Variants in ALG8 observed in about 807,000 individuals in gnomAD.
The protein encoded by ALG8 is dolichyl pyrophosphate Glc1Man9GlcNAc2 alpha-1,3-glucosyltransferase.
Under a neutral mutation model 70.2 loss-of-function variants are expected in ALG8, and 48 were observed. The observed-to-expected ratio is 0.68, with a 90% CI of 0.54 to 0.87. ALG8 has a LOEUF of 0.87. Ranked by LOEUF, ALG8 falls within the 40% of genes least tolerant of loss-of-function variation. The pLI, the probability that ALG8 is intolerant of heterozygous loss-of-function variation, is 0.00. For synonymous variants in ALG8, 234 were observed against 229.0 expected, an observed-to-expected ratio of 1.02 and a Z score of -0.20; for missense variants, 572 against 608.7, an observed-to-expected ratio of 0.94 and a Z score of 0.64.
At chr11:78,114,084 A>G (rs1056292840) in intron 6 of ALG8, 95 bp from the exon 7 acceptor site, 36 of 1,368,764 alleles carry the variant, frequency 2.6e-5, no homozygotes, top group Non-Finnish European at 3.2e-5. Flanking sequence ...ATCCCACAAT[A>G]GTATACCAAT....
chr11:78,123,394 A>T (rs972986011), intron 3 of ALG8, among the ~76,000 whole-genome samples: 6 of 151,398 alleles, frequency 4.0e-5, no homozygotes, highest in African/African-American at 1.5e-4. Flanking sequence ...TAGTACTTGG[A>T]AGTCACTGTG....
At chr11:78,139,117 G>A (rs192471684) in intron 1 of ALG8, 244 of 360,576 alleles carry the variant, frequency 6.8e-4, no homozygotes, top group African/African-American at 5.0e-3. Context: ...AACTTCGAGG[G>A]CAAGGACCAG....
At chr11:78,130,163 G>GT (rs1861241998) in intron 1 of ALG8, among the ~76,000 whole-genome samples, 1 of 151,918 alleles carries the variant, frequency 6.6e-6, no homozygotes, top group East Asian at 1.9e-4. Flanking sequence ...ACCAGCCTGG[G>GT]TAACAATGAG....
At chr11:78,127,625 G>A (rs2136933527) in intron 1 of ALG8, among the ~76,000 whole-genome samples, 189 bp from the exon 2 acceptor site, 1 of 151,994 alleles carries the variant, frequency 6.6e-6, no homozygotes, top group South Asian at 2.1e-4. Flanking sequence ...CTTCTAGAAA[G>A]TTGTTGAGCA....
chr11:78,133,207 T>A (rs1861382820), intron 1 of ALG8, among the ~76,000 whole-genome samples: 1 of 152,204 alleles, frequency 6.6e-6, no homozygotes, highest in South Asian at 2.1e-4. Flanking sequence ...TCTTGTACTG[T>A]TATACTTACT....
rs562915665 is a variant in ALG8 at position 78,114,351 on chromosome 11, T to C, written c.588A>G (p.Leu196=). 5.0e-6 allele frequency: 8 copies of C among 1,613,994 alleles called. No individual in the cohort carries two copies. Among genetic ancestry groups the C allele is most frequent in the Non-Finnish European group, 6.8e-6 (8 of 1,179,996 alleles). The change falls in exon 6 of 13, where the codon CTA becomes CTG. Residue 196 remains leucine (L), a synonymous_variant. Transcript: ENST00000299626. ...MEGAFLFAVL[L]HFKHIYLYVA... ...CATAGAGGTAGATATGCTTGAAATG[T>C]AGGAGAACAGCAAAGAGAAATGCTC... is the stretch of plus-strand genomic sequence containing the variant.
At chr11:78,135,447 C>G (rs1266213812) in intron 1 of ALG8, 1 of 152,016 alleles carries the variant, frequency 6.6e-6, no homozygotes, top group Non-Finnish European at 1.5e-5. Flanking sequence ...CACAGGGGCT[C>G]ATGTCTGTAA....
chr11:78,112,457 G>A, intron 8 of ALG8, 193 bp downstream of exon 8: 1 of 676,548 alleles, frequency 1.5e-6, no homozygotes, highest in African/African-American at 1.8e-5. Flanking sequence ...GCTTTTATAA[G>A]GAAAACAGTC....
chr11:78,125,838 C>G (rs1244573352), intron 2 of ALG8, among the ~76,000 whole-genome samples: 1 of 151,456 alleles, frequency 6.6e-6, no homozygotes, highest in Non-Finnish European at 1.5e-5. Flanking sequence ...AAATCCAACT[C>G]CCTGTCAGCA....
chr11:78,115,907 A>T (rs1321613951), intron 5 of ALG8, among the ~76,000 whole-genome samples: 1 of 152,242 alleles, frequency 6.6e-6, no homozygotes, highest in Non-Finnish European at 1.5e-5. Context: ...TGGGAATGAG[A>T]ACATGAACAA....
At chr11:78,112,220 T>A (rs1179835555) in intron 8 of ALG8, among the ~76,000 whole-genome samples, 1 of 152,130 alleles carries the variant, frequency 6.6e-6, no homozygotes, top group African/African-American at 2.4e-5. Flanking sequence ...AAGGCTGCAG[T>A]GCACTATGAT....
Position 78,113,523 on chromosome 11 carries a change from A to T in ALG8, c.777+363T>A, listed in dbSNP as rs112575991. On this transcript the variant is annotated intron_variant, in intron 7 of 12. Coordinates refer to ENST00000299626, the MANE Select transcript of ALG8 (RefSeq NM_024079.5). ...AGGTCAGAAGTTCGAGTCCAGCCTG[A>T]CCAACATGTTGAAACCCTGTCTCTA... 5.7e-3 allele frequency among the ~76,000 whole-genome samples: 874 copies of T among 152,024 alleles called. 7 individuals carry two copies. Among genetic ancestry groups the T allele is most frequent in the African/African-American group, 0.02 (838 of 41,462 alleles).
chr11:78,134,381 G>A (rs952869213), intron 1 of ALG8, among the ~76,000 whole-genome samples: 4 of 151,992 alleles, frequency 2.6e-5, no homozygotes, highest in Non-Finnish European at 4.4e-5. Context: ...CAGGTGACCC[G>A]CCCGCCTCAG....
chr11:78,106,338 C>G (rs1290932235), intron 10 of ALG8, among the ~76,000 whole-genome samples: 2 of 152,144 alleles, frequency 1.3e-5, no homozygotes, highest in East Asian at 3.9e-4. Context: ...GCTGGGACTA[C>G]AGGCATGTGC....
At position 78,121,153 on chromosome 11, in the gene ALG8, T is replaced by C; in HGVS notation, c.390A>G (p.Gly130=). 3 of 1,613,564 alleles carry C rather than the reference T, an allele frequency of 1.9e-6. No homozygotes were observed. In the South Asian group the frequency reaches 3.3e-5, roughly 18 times the overall value. ...CTGTAAGTTCTTTACCCACTTTTTTTCCATCAATGCATTTACAGCACCTAC... is the reference window on the plus strand; with the variant it reads ...CTGTAAGTTCTTTACCCACTTTTTTCCCATCAATGCATTTACAGCACCTAC... ...AVRECCKCID[G]KKVGKELTEK... Residue 130 remains glycine, a synonymous_variant, in exon 4 of 13, where the codon GGA becomes GGG. Transcript: ENST00000299626.
chr11:78,138,797 CTG>C, intron 1 of ALG8: 1 of 456,322 alleles, frequency 2.2e-6, no homozygotes, highest in Non-Finnish European at 4.4e-6. Context: ...AGCAGTCTAA[CTG>C]TGGTCTTCGA....
intron 8 of ALG8, among the ~76,000 whole-genome samples, chr11:78,111,717 G>C (rs1478148972): frequency 6.6e-6 from 1 of 152,172 alleles, no homozygotes; most frequent in East Asian, 1.9e-4. Context: ...AAAGTTTGCT[G>C]ACCACCACTC....
intron 3 of ALG8, among the ~76,000 whole-genome samples, chr11:78,122,342 A>ATTTT (rs375214398): frequency 1.4e-4 from 20 of 138,946 alleles, no homozygotes; most frequent in Non-Finnish European, 2.3e-4. Context: ...AGAGATTTCA[A>ATTTT]TTTTTTTTTT....
chr11:78,130,826 A>AT (rs796947252), intron 1 of ALG8, among the ~76,000 whole-genome samples: 50 of 151,922 alleles, frequency 3.3e-4, no homozygotes, highest in African/African-American at 1.2e-3. Flanking sequence ...TTTTTCTGAA[A>AT]TTTTTTTAGA....
Sources: allele counts gnomAD v4.1 joint callset (sites outside exome capture counted in the v4.1 genomes callset), GRCh38; gene constraint gnomAD v4.1.1; transcripts MANE v1.5; gene names NCBI Gene and HGNC (gene_info 2026-07-23, HGNC 2026-07-21).